The following GALNTL6 variants were observed in gnomAD, a reference collection of about 807,000 sequenced individuals.
GALNTL6 encodes polypeptide N-acetylgalactosaminyltransferase like 6.
GALNTL6 carries 46 observed loss-of-function variants against 73.7 expected under a neutral mutation model. The observed-to-expected ratio is 0.62, with a 90% CI of 0.49 to 0.80. GALNTL6 has a LOEUF of 0.80. Among genes scored for constraint, GALNTL6 ranks in the 30% least tolerant of loss-of-function variants. GALNTL6 has a pLI of 0.00. For missense variants in GALNTL6, 604 were observed against 755.0 expected (o/e 0.80, Z 2.34); for synonymous variants, 259 against 263.7 (o/e 0.98, Z 0.17).
intron 5 of GALNTL6, among the ~76,000 whole-genome samples, chr4:172,693,638 C>T (rs533026313): frequency 1.3e-5 from 2 of 152,318 alleles, no homozygotes; most frequent in South Asian, 4.1e-4. Flanking sequence ...TCCTTCCGCA[C>T]TCAAGGCTCC....
At chr4:172,739,223 G>A (rs1284979621) in intron 5 of GALNTL6, among the ~76,000 whole-genome samples, 1 of 152,096 alleles carries the variant, frequency 6.6e-6, no homozygotes, top group Admixed American at 6.6e-5. Context: ...ATAATATGTA[G>A]CCCATATTGT....
chr4:172,821,771 A>T (rs1366377922), intron 7 of GALNTL6, among the ~76,000 whole-genome samples: 1 of 152,258 alleles, frequency 6.6e-6, no homozygotes, highest in Non-Finnish European at 1.5e-5. Flanking sequence ...ACTAATCAAA[A>T]TATTGAATAA....
At chr4:172,875,250 G>C (rs932680510) in intron 7 of GALNTL6, among the ~76,000 whole-genome samples, 1 of 152,090 alleles carries the variant, frequency 6.6e-6, no homozygotes, top group Non-Finnish European at 1.5e-5. Context: ...GATTGCATTA[G>C]AAAATGATTA....
chr4:172,606,665 A>G (rs1197378085), intron 5 of GALNTL6, among the ~76,000 whole-genome samples: 2 of 38,808 alleles, frequency 5.2e-5, no homozygotes, highest in East Asian at 2.8e-3. Flanking sequence ...TATATATACT[A>G]TATATATATA....
chr4:172,967,582 C>A (rs900271924), intron 10 of GALNTL6, among the ~76,000 whole-genome samples: 1 of 151,962 alleles, frequency 6.6e-6, no homozygotes, highest in African/African-American at 2.4e-5. Context: ...TTTTGCCCAA[C>A]TATATTATGA....
chr4:172,319,982 A>G (rs1039555659), intron 4 of GALNTL6, among the ~76,000 whole-genome samples: 3 of 152,068 alleles, frequency 2.0e-5, no homozygotes, highest in Admixed American at 6.6e-5. Context: ...GACAGATGCA[A>G]CCAAGAACAC....
In GALNTL6 at chr4:171,895,630, C is replaced by A. The variant is rs79628654; in HGVS notation, c.138+80912C>A. On this transcript the variant is annotated intron_variant, in intron 2 of 12. Coordinates refer to ENST00000506823, the MANE Select transcript of GALNTL6 (RefSeq NM_001034845.3). The stretch of plus-strand genomic sequence containing the variant: ...AGTCTCCACGGCTTAATATTCATGA[C>A]GTCTATGATAAAATGCAGTCTTATG... 7.2e-5 allele frequency among the ~76,000 whole-genome samples: 11 copies of A among 151,950 alleles called. No individual in the cohort carries two copies. In the South Asian group the frequency reaches 2.3e-3, roughly 32 times the overall value.
intron 10 of GALNTL6, among the ~76,000 whole-genome samples, chr4:172,957,596 T>C (rs1247604038): frequency 6.6e-6 from 1 of 152,230 alleles, no homozygotes; most frequent in African/African-American, 2.4e-5. Context: ...AGTGAATGAC[T>C]CTAGCTTCCT....
intron 2 of GALNTL6, among the ~76,000 whole-genome samples, chr4:172,164,510 A>G (rs887102699): frequency 6.6e-6 from 1 of 152,056 alleles, no homozygotes; most frequent in Non-Finnish European, 1.5e-5. Context: ...AATATACTTT[A>G]TTAGTCACCT....
chr4:172,783,976 T>C (rs1325360290), intron 5 of GALNTL6, among the ~76,000 whole-genome samples: 1 of 152,150 alleles, frequency 6.6e-6, no homozygotes, highest in Non-Finnish European at 1.5e-5. Context: ...GGGAAGTTTG[T>C]AAGAAGTCTA....
At chr4:171,997,941 G>A (rs1740541239) in intron 2 of GALNTL6, among the ~76,000 whole-genome samples, 1 of 152,064 alleles carries the variant, frequency 6.6e-6, no homozygotes, top group Admixed American at 6.6e-5. Context: ...AAGCTCAGTG[G>A]TGCCTCTTAC....
intron 5 of GALNTL6, among the ~76,000 whole-genome samples, chr4:172,434,520 A>G (rs1731566719): frequency 6.6e-6 from 1 of 152,176 alleles, no homozygotes; most frequent in Non-Finnish European, 1.5e-5. Context: ...TAAGCAGTAG[A>G]TACAAGAAAT....
chr4:172,206,805 G>GTTTGTTGT lies in GALNTL6; in HGVS notation c.139-22848_139-22847insGTTGTTTT, dbSNP rs1554003003. ...TTGTTTTGTTTTGTTTTGTTTTTCT[G>GTTTGTTGT]TTTTTTTTGTTTGTTTTTTTTTTTT... On this transcript the variant is annotated intron_variant, in intron 2 of 12. Transcript: ENST00000506823. 1.6e-3 allele frequency among the ~76,000 whole-genome samples: 43 copies of GTTTGTTGT among 26,166 alleles called. 1 individual carries two copies. Among genetic ancestry groups the GTTTGTTGT allele is most frequent in the African/African-American group, 3.7e-3 (39 of 10,548 alleles). The allele number at this position is 26,166 out of a possible 152,430, so 17.2% of individuals were successfully genotyped here. A position where few individuals can be genotyped will look rare whatever the true frequency, so the allele number is the denominator to read the frequency against.
chr4:172,531,643 T>C (rs1735173287), intron 5 of GALNTL6, among the ~76,000 whole-genome samples: 1 of 152,168 alleles, frequency 6.6e-6, no homozygotes, highest in African/African-American at 2.4e-5. Flanking sequence ...GGCAAGAGGT[T>C]TGTCCCTGCC....
intron 5 of GALNTL6, among the ~76,000 whole-genome samples, chr4:172,644,212 A>C (rs772645190): frequency 6.6e-6 from 1 of 151,884 alleles, no homozygotes; most frequent in African/African-American, 2.4e-5. Context: ...GTGTATGTAC[A>C]TACACACATA....
intron 5 of GALNTL6, among the ~76,000 whole-genome samples, chr4:172,559,720 T>C (rs1299012760): frequency 6.6e-6 from 1 of 152,218 alleles, no homozygotes; most frequent in Non-Finnish European, 1.5e-5. Context: ...GTCATTGAGA[T>C]ATCAGCATTA....
intron 5 of GALNTL6, among the ~76,000 whole-genome samples, chr4:172,604,717 T>C (rs1738193667): frequency 6.6e-6 from 1 of 152,238 alleles, no homozygotes; most frequent in African/African-American, 2.4e-5. Context: ...TTATCTTCTC[T>C]ACACTCTAGT....
intron 2 of GALNTL6, among the ~76,000 whole-genome samples, chr4:171,896,211 G>A (rs1431344817): frequency 6.6e-6 from 1 of 152,196 alleles, no homozygotes; most frequent in Non-Finnish European, 1.5e-5. Flanking sequence ...ATCTGGGTAA[G>A]CATAACATTC....
chr4:172,085,386 G>A (rs953375191), intron 2 of GALNTL6, among the ~76,000 whole-genome samples: 1 of 152,034 alleles, frequency 6.6e-6, no homozygotes, highest in Admixed American at 6.5e-5. Flanking sequence ...TCCATTATGT[G>A]ATTAAAAATA....
Sources: gnomAD v4.1 joint callset for allele counts (sites outside exome capture counted in the v4.1 genomes callset) on GRCh38, gnomAD v4.1.1 for gene constraint, MANE v1.5 for transcripts, NCBI Gene and HGNC (gene_info 2026-07-23, HGNC 2026-07-21) for gene names.